The following NRG1 variants were observed in gnomAD, a reference collection of about 807,000 sequenced individuals.
NRG1 encodes pro-neuregulin-1, membrane-bound isoform.
A neutral mutation model predicts 63.8 loss-of-function variants in NRG1; 18 were observed. The ratio of observed to expected loss-of-function variants is 0.28; its 90% CI spans 0.19 to 0.42. The LOEUF (loss-of-function observed/expected upper bound fraction) is 0.42. Among genes scored for constraint, NRG1 ranks in the 10% least tolerant of loss-of-function variants. The probability of loss-of-function intolerance (pLI) is 1.00; values close to 1 mark genes in which losing one functional copy is unlikely to be tolerated. For synonymous variants in NRG1, 302 were observed against 301.3 expected, an observed-to-expected ratio of 1.00 and a Z score of -0.02; for missense variants, 762 against 814.7, an observed-to-expected ratio of 0.94 and a Z score of 0.79.
rs572740683 is a variant in NRG1 at position 31,830,121 on chromosome 8, T to C, written c.37+190690T>C. Among the ~76,000 whole-genome samples, 6 of 152,234 alleles carry C rather than the reference T, an allele frequency of 3.9e-5. No homozygotes were observed. The East Asian group carries it at 1.2e-3, about 29-fold the overall frequency. ...CACAAACCACCTTTAGCTGAGAGTA[T>C]TATCATATCAATTGTTTCAAGGAAA... On this transcript the variant is annotated intron_variant, in intron 1 of 10. Coordinates refer to the NRG1 transcript ENST00000519301.
chr8:32,572,857 T>C (rs2439303), intron 1 of NRG1, among the ~76,000 whole-genome samples: 82,020 of 151,402 alleles, frequency 0.54, 22,455 homozygotes, highest in East Asian at 0.83. Context: ...AAGGAAATCA[T>C]CATCAAATAA....
intron 1 of NRG1, among the ~76,000 whole-genome samples, chr8:31,906,821 G>A (rs1051980273): frequency 2.0e-5 from 3 of 152,004 alleles, no homozygotes; most frequent in Non-Finnish European, 4.4e-5. Context: ...AAAATTCTCT[G>A]TGAAGTTTGT....
chr8:32,298,714 CAAA>C (rs760147959), intron 1 of NRG1, among the ~76,000 whole-genome samples: 4 of 90,964 alleles, frequency 4.4e-5, no homozygotes, highest in African/African-American at 1.3e-4. Flanking sequence ...AACTCAGTCT[CAAA>C]AAAAAAAAAA....
chr8:32,211,375 T>G (rs1211568615), intron 1 of NRG1, among the ~76,000 whole-genome samples: 3 of 152,190 alleles, frequency 2.0e-5, no homozygotes, highest in Admixed American at 2.0e-4. Context: ...AGTGTTCCCA[T>G]GTAAAGAATG....
At chr8:32,457,051 G>A (rs1821684077) in intron 1 of NRG1, among the ~76,000 whole-genome samples, 1 of 152,132 alleles carries the variant, frequency 6.6e-6, no homozygotes, top group Admixed American at 6.5e-5. Flanking sequence ...AGAATCACTT[G>A]AACCCTGGAG....
At chr8:32,140,287 A>G (rs1291980982) in intron 1 of NRG1, among the ~76,000 whole-genome samples, 2 of 152,022 alleles carry the variant, frequency 1.3e-5, no homozygotes, top group Non-Finnish European at 2.9e-5. Context: ...AACTAAACTG[A>G]TACTCAAAAC....
At chr8:32,199,158 T>C (rs2132281002) in intron 1 of NRG1, among the ~76,000 whole-genome samples, 1 of 152,274 alleles carries the variant, frequency 6.6e-6, no homozygotes, top group Middle Eastern at 3.4e-3. Context: ...ATGTCTGTCA[T>C]ATGCCTATCC....
chr8:32,158,357 A>C (rs1465494261), intron 1 of NRG1, among the ~76,000 whole-genome samples: 1 of 150,136 alleles, frequency 6.7e-6, no homozygotes, highest in African/African-American at 2.4e-5. Flanking sequence ...ATTTTTTAAA[A>C]AAAGATTAAA....
At chr8:32,758,377 G>C (rs972443873) in intron 9 of NRG1, among the ~76,000 whole-genome samples, 1 of 152,008 alleles carries the variant, frequency 6.6e-6, no homozygotes, top group African/African-American at 2.4e-5. Flanking sequence ...AGGAGTTTAA[G>C]ACCAGCCTGG....
At chr8:32,710,350 C>T (rs2128980884) in intron 5 of NRG1, among the ~76,000 whole-genome samples, 1 of 152,226 alleles carries the variant, frequency 6.6e-6, no homozygotes, top group African/African-American at 2.4e-5. Context: ...GTACAATCAG[C>T]TTTTAAAGGA....
intron 1 of NRG1, among the ~76,000 whole-genome samples, chr8:31,692,017 G>T (rs1427680755): frequency 6.6e-6 from 1 of 152,110 alleles, no homozygotes; most frequent in East Asian, 1.9e-4. Context: ...ATTTTTTGAA[G>T]AGATGAGGTC....
chr8:32,636,970 G>A (rs778023415), intron 5 of NRG1, among the ~76,000 whole-genome samples: 2 of 151,976 alleles, frequency 1.3e-5, no homozygotes, highest in African/African-American at 2.4e-5. Context: ...TAGCATTGGT[G>A]GATTATTTTG....
intron 1 of NRG1, among the ~76,000 whole-genome samples, chr8:31,702,122 G>A (rs1810687284): frequency 6.6e-6 from 1 of 152,208 alleles, no homozygotes; most frequent in African/African-American, 2.4e-5. Context: ...ATTTTCTACT[G>A]TCACTGGGCT....
intron 1 of NRG1, among the ~76,000 whole-genome samples, chr8:32,419,592 T>A (rs1367115493): frequency 6.6e-6 from 1 of 151,962 alleles, no homozygotes; most frequent in Non-Finnish European, 1.5e-5. Context: ...ACTGGGAGAG[T>A]GGGCCAAGTT....
In NRG1 at chr8:32,220,002, T is replaced by C. The variant is rs113977920; in HGVS notation, c.38-375826T>C. Among the ~76,000 whole-genome samples the C allele has an allele frequency of 3.9e-4, 60 of 152,150 alleles. No individual in the cohort carries two copies. The East Asian group carries it at 0.011, about 27-fold the overall frequency. On this transcript the variant is annotated intron_variant, in intron 1 of 10. Coordinates refer to the NRG1 transcript ENST00000519301. Reference sequence around the variant, plus strand: ...ACCCCCGGCTGTCAGAAGTTTAACCTTGGAGAATGCCATGAAGGGCAATTC... The same window carrying C: ...ACCCCCGGCTGTCAGAAGTTTAACCCTGGAGAATGCCATGAAGGGCAATTC...
At chr8:31,838,911 C>T (rs137936072) in intron 1 of NRG1, among the ~76,000 whole-genome samples, 1,570 of 152,240 alleles carry the variant, frequency 0.01, 15 homozygotes, top group Non-Finnish European at 0.014. Flanking sequence ...ATTGTATTCA[C>T]TATTTCCTCC....
intron 1 of NRG1, among the ~76,000 whole-genome samples, chr8:32,057,783 A>T (rs540968358): frequency 5.9e-5 from 9 of 152,168 alleles, no homozygotes; most frequent in Non-Finnish European, 1.3e-4. Context: ...TTATTGAAAT[A>T]GTGAAGTGAG....
chr8:31,743,350 A>G (rs1323838637), intron 1 of NRG1, among the ~76,000 whole-genome samples: 1 of 151,962 alleles, frequency 6.6e-6, no homozygotes, highest in Non-Finnish European at 1.5e-5. Context: ...GTATGACTGC[A>G]CTGTGTCAGA....
At chr8:32,645,114 A>G (rs371785259) in intron 5 of NRG1, among the ~76,000 whole-genome samples, 19 of 152,272 alleles carry the variant, frequency 1.2e-4, no homozygotes, top group African/African-American at 3.9e-4. Context: ...GTTTAGCATA[A>G]ACACCTGCTG....
Sources: allele counts gnomAD v4.1 joint callset (sites outside exome capture counted in the v4.1 genomes callset), GRCh38; gene constraint gnomAD v4.1.1; transcripts MANE v1.5; gene names NCBI Gene and HGNC (gene_info 2026-07-23, HGNC 2026-07-21).